The following ALOX5 variants were observed in gnomAD, a reference collection of about 807,000 sequenced individuals.
The protein encoded by ALOX5 is arachidonate 5-lipoxygenase, also known as polyunsaturated fatty acid 5-lipoxygenase.
In ALOX5, 64 loss-of-function variants were observed where a neutral mutation model predicts 87.9. The observed-to-expected ratio is 0.73, with a 90% CI of 0.60 to 0.90. The LOEUF (loss-of-function observed/expected upper bound fraction) is 0.90. ALOX5 is among the 40% of genes least tolerant of loss of function. The probability of loss-of-function intolerance (pLI) is 0.00; values close to 1 mark genes in which losing one functional copy is unlikely to be tolerated. For missense variants in ALOX5, 822 were observed against 907.5 expected, an observed-to-expected ratio of 0.91 and a Z score of 1.21; for synonymous variants, 388 against 355.1, an observed-to-expected ratio of 1.09 and a Z score of -1.04.
At chr10:45,397,365 A>C (rs368056631) in intron 3 of ALOX5, among the ~76,000 whole-genome samples, 20 of 152,330 alleles carry the variant, frequency 1.3e-4, no homozygotes, top group East Asian at 1.2e-3. Flanking sequence ...GGTGACAAGC[A>C]AGACTCCGTC....
intron 2 of ALOX5, among the ~76,000 whole-genome samples, chr10:45,391,877 GCCCGGCAGCCGCC>G (rs1840283701): frequency 1.7e-5 from 2 of 116,448 alleles, no homozygotes; most frequent in Non-Finnish European, 4.0e-5. Context: ...GAGCCCCTCC[GCCCGGCAGCCGCC>G]CCTTCTGAGA....
In ALOX5 at chr10:45,420,698, C is replaced by T. The variant is rs990980055; in HGVS notation, c.555-3343C>T. 3.9e-5 allele frequency among the ~76,000 whole-genome samples: 6 copies of T among 152,384 alleles called. No homozygotes were observed. In the East Asian group the frequency reaches 9.6e-4, roughly 24 times the overall value. On this transcript the variant is annotated intron_variant, in intron 4 of 13. Coordinates refer to ENST00000374391, the MANE Select transcript of ALOX5 (RefSeq NM_000698.5). ...TCTGGCACGCAGTTCCTCCTAGCCA[C>T]CTGCTGTACCTGGAAGGGGGCCAGC...
At chr10:45,444,642 G>A in intron 13 of ALOX5, 1 of 278,176 alleles carries the variant, frequency 3.6e-6, no homozygotes, top group Non-Finnish European at 6.7e-6. Context: ...CCGGACACGT[G>A]CATCTCATTT....
chr10:45,388,472 G>C (rs562103945), intron 2 of ALOX5, among the ~76,000 whole-genome samples: 1 of 152,236 alleles, frequency 6.6e-6, no homozygotes, highest in Non-Finnish European at 1.5e-5. Flanking sequence ...CACATGGCCA[G>C]GTACACCTCT....
rs1340814622 is a variant in ALOX5 at position 45,441,430 on chromosome 10, G to A, written c.1272G>A (p.Lys424=). Residue 424 remains lysine, a splice_region_variant and synonymous_variant, in exon 9 of 14, where the codon AAG becomes AAA. Transcript: ENST00000374391. ...TCTGCGAGTGTGGCCTCTTTGACAA[G>A]GTGGGTGCCCTCCTACCCTACTTGT... is the stretch of plus-strand genomic sequence containing the variant. ...QLICECGLFD[K]ANATGGGGHV... is the part of the protein sequence containing the mutation. The A allele has an allele frequency of 6.2e-7, 1 of 1,612,964 alleles. No individual in the cohort carries two copies. Among genetic ancestry groups the A allele is most frequent in the African/African-American group, 1.3e-5 (1 of 74,896 alleles).
At chr10:45,400,360 G>A (rs1013542569) in intron 3 of ALOX5, among the ~76,000 whole-genome samples, 3 of 152,214 alleles carry the variant, frequency 2.0e-5, no homozygotes, top group African/African-American at 7.2e-5. Flanking sequence ...AGCACTTTGG[G>A]AGGTTGAGAC....
Position 45,406,309 on chromosome 10 carries a change from G to A in ALOX5, c.432-5882G>A, listed in dbSNP as rs563091557. On this transcript the variant is annotated intron_variant, in intron 3 of 13. Coordinates refer to ENST00000374391, the MANE Select transcript of ALOX5 (RefSeq NM_000698.5). ...ATACATAGTCTCTGGGTCTGTTTCC[G>A]CACTTTATGTGTTAGCCTATTTTTC... is the stretch of plus-strand genomic sequence containing the variant. Among the ~76,000 whole-genome samples the A allele has an allele frequency of 2.8e-3, 432 of 152,250 alleles. 3 individuals carry two copies. The highest frequency in any genetic ancestry group is 4.4e-3 in the Non-Finnish European group (302 of 68,018).
At position 45,445,894 on chromosome 10, in the gene ALOX5, ACTGCACAGCGT is replaced by A; in HGVS notation, c.*209_*219del. ...AGGGACCCATTCTACACAGAGCAGGACTGCACAGCGTCCTGTCCACACCCAGCTCAGCATTT... is the reference window on the plus strand; with the variant it reads ...AGGGACCCATTCTACACAGAGCAGGACCTGTCCACACCCAGCTCAGCATTT... On this transcript the variant is annotated 3_prime_UTR_variant, in exon 14 of 14. Transcript: ENST00000374391. 1 of 567,600 alleles carries A rather than the reference ACTGCACAGCGT, an allele frequency of 1.8e-6. No homozygotes were observed. 35.2% of individuals were successfully genotyped at this position (567,600 alleles called of 1,614,324 possible).
intron 1 of ALOX5, among the ~76,000 whole-genome samples, chr10:45,381,942 C>T (rs1839845482): frequency 6.6e-6 from 1 of 152,250 alleles, no homozygotes; most frequent in South Asian, 2.1e-4. Context: ...CACCTCTTCC[C>T]ATTTCAGCTA....
At chr10:45,375,065 C>T (rs1048155380) in intron 1 of ALOX5, among the ~76,000 whole-genome samples, 1 of 152,166 alleles carries the variant, frequency 6.6e-6, no homozygotes, top group Non-Finnish European at 1.5e-5. Flanking sequence ...AGCCCAGGCC[C>T]ATCTGGTGGC....
chr10:45,429,318 G>T (rs1841837835), intron 7 of ALOX5, among the ~76,000 whole-genome samples: 1 of 152,216 alleles, frequency 6.6e-6, no homozygotes, highest in South Asian at 2.1e-4. Context: ...CAGGGGCCAA[G>T]GCCAGGACTG....
intron 3 of ALOX5, among the ~76,000 whole-genome samples, chr10:45,406,711 C>T (rs569963183): frequency 2.0e-5 from 3 of 152,292 alleles, no homozygotes; most frequent in African/African-American, 7.2e-5. Flanking sequence ...GTGTTGGTCC[C>T]TTACTGAATT....
At chr10:45,443,300 C>T in intron 10 of ALOX5, 84 bp downstream of exon 10, 2 of 1,580,868 alleles carry the variant, frequency 1.3e-6, no homozygotes, top group Non-Finnish European at 1.7e-6. Flanking sequence ...CCCTCCACCG[C>T]TAGCGCTGAA....
intron 7 of ALOX5, among the ~76,000 whole-genome samples, chr10:45,434,122 C>T (rs771081044): frequency 1.3e-5 from 2 of 152,208 alleles, no homozygotes; most frequent in Non-Finnish European, 2.9e-5. Flanking sequence ...CATTTCCATG[C>T]CCTGTTGCGG....
chr10:45,381,165 C>A (rs1023200177), intron 1 of ALOX5, among the ~76,000 whole-genome samples: 4 of 152,226 alleles, frequency 2.6e-5, no homozygotes, highest in African/African-American at 9.6e-5. Context: ...CAGCCTTGTC[C>A]CAGAGGCCTG....
At chr10:45,423,617 C>A (rs1199421991) in intron 4 of ALOX5, among the ~76,000 whole-genome samples, 1 of 152,188 alleles carries the variant, frequency 6.6e-6, no homozygotes, top group Admixed American at 6.5e-5. Flanking sequence ...AAACACGGAG[C>A]CATTTAGCAG....
At chr10:45,393,305 A>G (rs1840364679) in intron 2 of ALOX5, among the ~76,000 whole-genome samples, 1 of 152,230 alleles carries the variant, frequency 6.6e-6, no homozygotes, top group African/African-American at 2.4e-5. Flanking sequence ...CAACATACAC[A>G]AATCAATAAA....
intron 7 of ALOX5, among the ~76,000 whole-genome samples, chr10:45,435,898 A>G (rs2132840246): frequency 6.6e-6 from 1 of 152,342 alleles, no homozygotes; most frequent in Middle Eastern, 3.4e-3. Flanking sequence ...ACTGCCACCA[A>G]CAGTGTGTAA....
rs1254852695 is a variant in ALOX5 at position 45,374,345 on chromosome 10, C to G, written c.66C>G (p.Ile22Met). The G allele has an allele frequency of 2.0e-6, 3 of 1,537,258 alleles. No individual in the cohort carries two copies. The highest frequency in any genetic ancestry group is 2.4e-5 in the South Asian group (2 of 82,570). The change falls in exon 1 of 14, where the codon ATC becomes ATG. Residue 22 changes from isoleucine (I) to methionine (M), a missense_variant. Coordinates refer to ENST00000374391, the MANE Select transcript of ALOX5 (RefSeq NM_000698.5). ...GGTTCGCCGGCACTGACGACTACATCTACCTCAGCCTCGTGGGCTCGGCGG... is the reference window on the plus strand; with the variant it reads ...GGTTCGCCGGCACTGACGACTACATGTACCTCAGCCTCGTGGGCTCGGCGG... ...SQWFAGTDDYIYLSLVGSAGC... is the reference protein window; with the variant it reads ...SQWFAGTDDYMYLSLVGSAGC...
Sources: allele counts gnomAD v4.1 joint callset (sites outside exome capture counted in the v4.1 genomes callset), GRCh38; gene constraint gnomAD v4.1.1; transcripts MANE v1.5; gene names NCBI Gene and HGNC (gene_info 2026-07-23, HGNC 2026-07-21).